The following KCTD16 variants were observed in gnomAD, a reference collection of about 807,000 sequenced individuals.
The protein encoded by KCTD16 is BTB/POZ domain-containing protein KCTD16.
A neutral mutation model predicts 33.2 loss-of-function variants in KCTD16; 13 were observed. That is an observed-to-expected ratio of 0.39 (90% CI 0.25 to 0.62). The LOEUF is 0.62. Ranked by LOEUF, KCTD16 falls within the 20% of genes least tolerant of loss-of-function variation. KCTD16 has a pLI of 0.50. For missense variants in KCTD16, 441 were observed against 525.1 expected (o/e 0.84, Z 1.57); for synonymous variants, 197 against 195.3 (o/e 1.01, Z -0.07).
intron 3 of KCTD16, among the ~76,000 whole-genome samples, chr5:144,259,215 G>A (rs1191030826): frequency 7.6e-6 from 1 of 131,062 alleles, no homozygotes; most frequent in Admixed American, 9.3e-5. Flanking sequence ...CCGAGATCGC[G>A]CCGCTGCACT....
intron 3 of KCTD16, among the ~76,000 whole-genome samples, chr5:144,379,781 T>G (rs865943696): frequency 1.4e-4 from 21 of 152,290 alleles, no homozygotes; most frequent in Non-Finnish European, 1.8e-4. Context: ...TTAGCTAGGC[T>G]GAGTCAGTAG....
chr5:144,415,696 A>G (rs368999828), intron 3 of KCTD16, among the ~76,000 whole-genome samples: 38 of 152,264 alleles, frequency 2.5e-4, no homozygotes, highest in African/African-American at 8.9e-4. Flanking sequence ...AGGCCTTTCT[A>G]TTTTCCATGG....
intron 3 of KCTD16, among the ~76,000 whole-genome samples, chr5:144,294,078 G>C (rs949509273): frequency 2.0e-5 from 3 of 152,146 alleles, no homozygotes. Flanking sequence ...AGAATCACTT[G>C]AATCTGGGAG....
At chr5:144,429,511 A>G (rs1041198485) in intron 3 of KCTD16, among the ~76,000 whole-genome samples, 4 of 152,084 alleles carry the variant, frequency 2.6e-5, no homozygotes, top group African/African-American at 9.7e-5. Context: ...TATCTTGGGA[A>G]GAACTCTGGA....
At chr5:144,401,003 G>A (rs891045175) in intron 3 of KCTD16, among the ~76,000 whole-genome samples, 4 of 152,096 alleles carry the variant, frequency 2.6e-5, no homozygotes, top group African/African-American at 4.8e-5. Context: ...AATCAGTAGC[G>A]GGCCAAAGTT....
At chr5:144,224,791 G>T (rs1753877347) in intron 3 of KCTD16, among the ~76,000 whole-genome samples, 1 of 152,114 alleles carries the variant, frequency 6.6e-6, no homozygotes, top group African/African-American at 2.4e-5. Flanking sequence ...AATAATCATA[G>T]CTATCCTTAC....
intron 2 of KCTD16, among the ~76,000 whole-genome samples, chr5:144,201,126 A>G (rs910015048): frequency 5.3e-5 from 8 of 152,192 alleles, no homozygotes; most frequent in Non-Finnish European, 1.0e-4. Context: ...TGAGTCAGAG[A>G]CTATATGAAA....
intron 3 of KCTD16, among the ~76,000 whole-genome samples, chr5:144,406,641 C>A (rs997079148): frequency 6.6e-6 from 1 of 152,132 alleles, no homozygotes; most frequent in African/African-American, 2.4e-5. Context: ...GTGAAAATAA[C>A]GAAGTTGGCA....
rs180794886 is a variant in KCTD16 at position 144,308,379 on chromosome 5, T to G, written c.832+100833T>G. On this transcript the variant is annotated intron_variant, in intron 3 of 3. Coordinates refer to ENST00000512467, the MANE Select transcript of KCTD16 (RefSeq NM_020768.4). ...GAGGTAATTTGCTGTCCCTTGAGCT[T>G]TATTTTCGTTGGCTCAGTGGGCAGA... 4.6e-5 allele frequency among the ~76,000 whole-genome samples: 7 copies of G among 152,376 alleles called. No homozygotes were observed. In the East Asian group the frequency reaches 1.2e-3, roughly 25 times the overall value.
At chr5:144,321,176 A>G (rs1244609973) in intron 3 of KCTD16, among the ~76,000 whole-genome samples, 5 of 152,138 alleles carry the variant, frequency 3.3e-5, no homozygotes, top group African/African-American at 1.2e-4. Context: ...TTCTTGATGA[A>G]AACTTTGCTA....
intron 3 of KCTD16, among the ~76,000 whole-genome samples, chr5:144,270,233 T>C (rs1041681222): frequency 1.3e-5 from 2 of 152,010 alleles, no homozygotes; most frequent in African/African-American, 4.8e-5. Context: ...CAACAGCATA[T>C]GTATTCTTCT....
chr5:144,436,173 T>C (rs1753572143), intron 3 of KCTD16, among the ~76,000 whole-genome samples: 1 of 152,164 alleles, frequency 6.6e-6, no homozygotes, highest in Admixed American at 6.6e-5. Flanking sequence ...TCCTCTCTGT[T>C]GGGCTAAAGC....
At chr5:144,229,771 G>A (rs941774323) in intron 3 of KCTD16, among the ~76,000 whole-genome samples, 5 of 152,130 alleles carry the variant, frequency 3.3e-5, no homozygotes, top group African/African-American at 1.2e-4. Flanking sequence ...AAGGAGTTGG[G>A]AGATTTTCAA....
At chr5:144,458,289 G>A (rs1277361521) in intron 3 of KCTD16, among the ~76,000 whole-genome samples, 2 of 152,148 alleles carry the variant, frequency 1.3e-5, no homozygotes, top group African/African-American at 2.4e-5. Context: ...AAGAAGCAGA[G>A]TGTAGTGCGA....
At chr5:144,189,697 C>T (rs1196216488) in intron 2 of KCTD16, among the ~76,000 whole-genome samples, 2 of 152,122 alleles carry the variant, frequency 1.3e-5, no homozygotes, top group Non-Finnish European at 2.9e-5. Context: ...TGTCAGCCAC[C>T]TTGTATCACA....
At chr5:144,240,486 T>C (rs1228527663) in intron 3 of KCTD16, among the ~76,000 whole-genome samples, 1 of 152,126 alleles carries the variant, frequency 6.6e-6, no homozygotes. Context: ...TCCAGCCTCT[T>C]CTTTTGTTAA....
At position 144,185,825 on chromosome 5, in the gene KCTD16, A is replaced by G. The variant is rs183586842; in HGVS notation, c.-327+11353A>G. On this transcript the variant is annotated intron_variant, in intron 2 of 3. Transcript: ENST00000512467. ...AAGATAATAACAATAGGTAACATCA[A>G]TTTAGTACTTACTATATAATAAATG... Among the ~76,000 whole-genome samples, 15 of 152,314 alleles carry G rather than the reference A, an allele frequency of 9.8e-5. No individual in the cohort carries two copies. The East Asian group carries it at 2.9e-3, about 29-fold the overall frequency.
At chr5:144,453,949 A>C (rs973760726) in intron 3 of KCTD16, among the ~76,000 whole-genome samples, 1 of 152,184 alleles carries the variant, frequency 6.6e-6, no homozygotes, top group East Asian at 1.9e-4. Context: ...TGTTCAGACT[A>C]TCTGTGTAAC....
At chr5:144,299,904 AAAAAAAAAAAAC>A (rs1216947131) in intron 3 of KCTD16, among the ~76,000 whole-genome samples, 2 of 143,752 alleles carry the variant, frequency 1.4e-5, no homozygotes, top group African/African-American at 5.4e-5. Flanking sequence ...CATTTAAAAA[AAAAAAAAAAAAC>A]AAAAAACAAA....
Sources: gnomAD v4.1 joint callset for allele counts (sites outside exome capture counted in the v4.1 genomes callset) on GRCh38, gnomAD v4.1.1 for gene constraint, MANE v1.5 for transcripts, NCBI Gene and HGNC (gene_info 2026-07-23, HGNC 2026-07-21) for gene names.